The following APP variants were observed in gnomAD, a reference collection of about 807,000 sequenced individuals.
APP encodes amyloid-beta precursor protein.
A neutral mutation model predicts 101.4 loss-of-function variants in APP; 31 were observed. The ratio of observed to expected loss-of-function variants is 0.31; its 90% CI spans 0.23 to 0.41. The LOEUF is 0.41. Among genes scored for constraint, APP ranks in the 10% least tolerant of loss-of-function variants. The pLI, the probability that APP is intolerant of heterozygous loss-of-function variation, is 1.00. For synonymous variants in APP, 366 were observed against 364.4 expected (o/e 1.00, Z -0.05); for missense variants, 839 against 1,003.7 (o/e 0.84, Z 2.22).
At chr21:26,114,266 G>A (rs755239299) in intron 1 of APP, among the ~76,000 whole-genome samples, 1 of 152,096 alleles carries the variant, frequency 6.6e-6, no homozygotes, top group Non-Finnish European at 1.5e-5. Context: ...CCCGCAAGGA[G>A]AGGAAATTGA....
chr21:26,010,655 C>CA (rs111850859), intron 6 of APP, among the ~76,000 whole-genome samples: 2,970 of 142,756 alleles, frequency 0.021, 63 homozygotes, highest in African/African-American at 0.051. Flanking sequence ...ACTAAAACTA[C>CA]AAAAAAAAAA....
At chr21:25,969,803 C>A (rs1293777737) in intron 11 of APP, among the ~76,000 whole-genome samples, 1 of 134,228 alleles carries the variant, frequency 7.5e-6, no homozygotes, top group Non-Finnish European at 1.6e-5. Context: ...TGGACCACTG[C>A]ATGCCAGCCT....
intron 13 of APP, among the ~76,000 whole-genome samples, chr21:25,933,392 C>T (rs1361550523): frequency 3.3e-5 from 5 of 152,206 alleles, no homozygotes; most frequent in South Asian, 2.1e-4. Context: ...TGTAAGCCAT[C>T]GTGCCCAGCC....
chr21:25,997,116 CTAAA>C (rs2146665181), intron 8 of APP: 5 of 552,730 alleles, frequency 9.0e-6, no homozygotes, highest in Non-Finnish European at 1.6e-5. Flanking sequence ...TAAAACCAGA[CTAAA>C]TAAAAAGGAA....
At chr21:26,079,839 C>G (rs58415008) in intron 3 of APP, among the ~76,000 whole-genome samples, 7,475 of 152,276 alleles carry the variant, frequency 0.049, 267 homozygotes, top group East Asian at 0.096. Flanking sequence ...AAAAGCCTAT[C>G]TAGGCCGGGA....
At chr21:25,964,504 A>AAGAT (rs1457742902) in intron 11 of APP, among the ~76,000 whole-genome samples, 2 of 152,230 alleles carry the variant, frequency 1.3e-5, no homozygotes, top group African/African-American at 4.8e-5. Context: ...ACAGGTTATA[A>AAGAT]AGATGGCAAA....
chr21:26,025,272 C>T (rs996043864), intron 5 of APP, among the ~76,000 whole-genome samples: 11 of 152,218 alleles, frequency 7.2e-5, no homozygotes, highest in African/African-American at 2.7e-4. Context: ...GAAAGATGAC[C>T]TGATGCATGT....
At chr21:25,905,965 C>G (rs2038768402) in intron 14 of APP, among the ~76,000 whole-genome samples, 1 of 149,996 alleles carries the variant, frequency 6.7e-6, no homozygotes, top group South Asian at 2.1e-4. Context: ...GAGGTAGGTG[C>G]AGGGGGAAGC....
At chr21:25,884,286 C>A (rs999909216) in intron 17 of APP, among the ~76,000 whole-genome samples, 11 of 152,224 alleles carry the variant, frequency 7.2e-5, no homozygotes, top group Non-Finnish European at 1.6e-4. Context: ...TGCATCCAAA[C>A]CCTCAGCTTA....
chr21:25,883,777 A>C (rs2037146948), intron 17 of APP, among the ~76,000 whole-genome samples: 1 of 152,194 alleles, frequency 6.6e-6, no homozygotes, highest in Admixed American at 6.5e-5. Context: ...TCATGAAGTG[A>C]TTGACTCTTT....
intron 1 of APP, among the ~76,000 whole-genome samples, chr21:26,164,855 C>CA (rs75432330): frequency 0.061 from 4,039 of 66,750 alleles, 128 homozygotes; most frequent in African/African-American, 0.15. Flanking sequence ...GATTCTGTCT[C>CA]AAAAAAAAAA....
chr21:26,029,307 A>G (rs1425163871), intron 5 of APP, among the ~76,000 whole-genome samples: 1 of 151,722 alleles, frequency 6.6e-6, no homozygotes, highest in Middle Eastern at 3.2e-3. Context: ...GAAGCTGGAC[A>G]CTGGGCCAGG....
intron 9 of APP, among the ~76,000 whole-genome samples, chr21:25,977,613 A>G (rs1262495396): frequency 2.0e-5 from 3 of 152,262 alleles, no homozygotes; most frequent in Non-Finnish European, 4.4e-5. Flanking sequence ...CATTCTTTGT[A>G]TATGATAGGC....
intron 15 of APP, among the ~76,000 whole-genome samples, chr21:25,904,623 A>G (rs2038689141): frequency 6.6e-6 from 1 of 152,194 alleles, no homozygotes; most frequent in Admixed American, 6.5e-5. Context: ...CCAAACAAGA[A>G]AGGAGAGATG....
chr21:26,142,799 A>AC (rs1555883248), intron 1 of APP, among the ~76,000 whole-genome samples: 1 of 152,308 alleles, frequency 6.6e-6, no homozygotes, highest in African/African-American at 2.4e-5. Flanking sequence ...GTGAAAAAAA[A>AC]CAAAAATAGT....
Position 25,955,667 on chromosome 21 carries a change from C to T in APP, c.1547G>A (p.Arg516His), listed in dbSNP as rs773257494. The T allele has an allele frequency of 4.3e-6, 7 of 1,614,148 alleles. No individual in the cohort carries two copies. Among genetic ancestry groups the T allele is most frequent in the East Asian group, 2.2e-5 (1 of 44,878 alleles). Residue 516 changes from arginine (R) to histidine (H), a missense_variant, in exon 12 of 18, where the codon CGC (arginine) becomes CAC (histidine). Arg to His is a conservative substitution (Grantham distance 29). Coordinates refer to ENST00000346798, the MANE Select transcript of APP (RefSeq NM_000484.4). ...AGCGGCTTTCTTGGGATCCACCATG[C>T]GCACATGCTCGAAATGCTTTAGGGT... ...QHTLKHFEHV[R>H]MVDPKKAAQI...
intron 1 of APP, among the ~76,000 whole-genome samples, chr21:26,164,466 GA>G (rs1273704934): frequency 1.3e-5 from 2 of 152,132 alleles, no homozygotes; most frequent in African/African-American, 4.8e-5. Context: ...AGATTCTACT[GA>G]AAACTAAACC....
chr21:26,037,141 T>C (rs566595760), intron 5 of APP, among the ~76,000 whole-genome samples: 5 of 152,290 alleles, frequency 3.3e-5, no homozygotes, highest in African/African-American at 1.2e-4. Flanking sequence ...CACCACATGC[T>C]CTCATATGCA....
At chr21:25,952,191 T>TACATACACACACACACAC (rs1555901899) in intron 13 of APP, among the ~76,000 whole-genome samples, 2 of 139,996 alleles carry the variant, frequency 1.4e-5, no homozygotes, top group Non-Finnish European at 3.1e-5. Context: ...ATTACATACA[T>TACATACACACACACACAC]ACACACACAC....
Sources: gnomAD v4.1 joint callset for allele counts (sites outside exome capture counted in the v4.1 genomes callset) on GRCh38, gnomAD v4.1.1 for gene constraint, MANE v1.5 for transcripts, NCBI Gene and HGNC (gene_info 2026-07-23, HGNC 2026-07-21) for gene names.